Variants in MTHFD1L observed in about 807,000 individuals in gnomAD.
MTHFD1L encodes monofunctional C1-tetrahydrofolate synthase, mitochondrial.
A neutral mutation model predicts 119.5 loss-of-function variants in MTHFD1L; 81 were observed. The observed-to-expected ratio is 0.68, with a 90% confidence interval of 0.57 to 0.82. The LOEUF is 0.82. Among genes scored for constraint, MTHFD1L ranks in the 40% least tolerant of loss-of-function variants. The probability of loss-of-function intolerance (pLI) is 0.00; values close to 1 mark genes in which losing one functional copy is unlikely to be tolerated. For missense variants in MTHFD1L, 1,125 were observed against 1,253.4 expected, an observed-to-expected ratio of 0.90 and a Z score of 1.55; for synonymous variants, 430 against 475.2, an observed-to-expected ratio of 0.90 and a Z score of 1.24.
At chr6:150,892,914 C>T (rs1295159795) in intron 7 of MTHFD1L, among the ~76,000 whole-genome samples, 2 of 150,192 alleles carry the variant, frequency 1.3e-5, no homozygotes, top group Non-Finnish European at 3.0e-5. Flanking sequence ...GATTGTACCA[C>T]TCAATGGCTG....
intron 20 of MTHFD1L, among the ~76,000 whole-genome samples, chr6:150,978,429 A>G (rs1174783576): frequency 6.6e-6 from 1 of 152,204 alleles, no homozygotes; most frequent in African/African-American, 2.4e-5. Context: ...GTAGAGAATC[A>G]CACAGACCTG....
At chr6:150,962,914 C>CTTTTTTTTTT (rs4035893) in intron 18 of MTHFD1L, among the ~76,000 whole-genome samples, 19 of 114,136 alleles carry the variant, frequency 1.7e-4, no homozygotes, top group Non-Finnish European at 2.7e-4. Flanking sequence ...CTTTTCTTTT[C>CTTTTTTTTTT]TTTTTTTTTT....
At chr6:151,040,001 C>A (rs1344399240) in intron 26 of MTHFD1L, among the ~76,000 whole-genome samples, 25 of 152,102 alleles carry the variant, frequency 1.6e-4, no homozygotes, top group African/African-American at 6.0e-4. Flanking sequence ...CCACTTTACT[C>A]CTGAGCTTTA....
chr6:150,878,911 G>A (rs765761517), intron 4 of MTHFD1L, among the ~76,000 whole-genome samples: 2 of 152,066 alleles, frequency 1.3e-5, no homozygotes, highest in African/African-American at 2.4e-5. Context: ...GGTAAAGTTC[G>A]TTGTCACCAA....
intron 24 of MTHFD1L, among the ~76,000 whole-genome samples, chr6:151,031,343 A>G (rs1373771351): frequency 6.6e-6 from 1 of 152,170 alleles, no homozygotes; most frequent in Admixed American, 6.5e-5. Flanking sequence ...CTGTTCACAC[A>G]CTCGGGCTCC....
At chr6:150,866,488 G>T in intron 1 of MTHFD1L, 2 of 1,318,052 alleles carry the variant, frequency 1.5e-6, no homozygotes, top group South Asian at 4.1e-5. Context: ...CGGGGTTCGG[G>T]AAGGGCAAGC....
chr6:150,948,001 GT>G (rs1794264831), intron 15 of MTHFD1L, among the ~76,000 whole-genome samples: 1 of 151,460 alleles, frequency 6.6e-6, no homozygotes, highest in Non-Finnish European at 1.5e-5. Context: ...TTTTTTGTTT[GT>G]TTTTTGTTTT....
intron 8 of MTHFD1L, among the ~76,000 whole-genome samples, chr6:150,907,758 A>T (rs1786178953): frequency 6.6e-6 from 1 of 152,202 alleles, no homozygotes; most frequent in Non-Finnish European, 1.5e-5. Flanking sequence ...TAAATCAGGG[A>T]TGGTCTGTGT....
intron 26 of MTHFD1L, among the ~76,000 whole-genome samples, chr6:151,085,938 G>C (rs980491793): frequency 4.0e-5 from 6 of 151,408 alleles, no homozygotes; most frequent in Non-Finnish European, 7.4e-5. Flanking sequence ...GCTCTTAGCA[G>C]GGACTGGGTC....
intron 7 of MTHFD1L, among the ~76,000 whole-genome samples, chr6:150,888,870 T>C (rs1782744445): frequency 6.6e-6 from 1 of 151,970 alleles, no homozygotes. Context: ...CACAGATCAG[T>C]GGGGAAAAGA....
chr6:151,037,976 AT>A (rs1485191148), intron 26 of MTHFD1L, among the ~76,000 whole-genome samples: 1 of 152,246 alleles, frequency 6.6e-6, no homozygotes, highest in Non-Finnish European at 1.5e-5. Context: ...CATTATCATA[AT>A]TTTTTATAAT....
At chr6:150,965,145 G>A in intron 19 of MTHFD1L, 108 bp downstream of exon 19, 2 of 926,302 alleles carry the variant, frequency 2.2e-6, no homozygotes, top group South Asian at 2.8e-5. Flanking sequence ...TGGGGCAGCA[G>A]TGTGCTTTGC....
chr6:150,993,609 G>T (rs1444320740), intron 20 of MTHFD1L, among the ~76,000 whole-genome samples: 1 of 152,154 alleles, frequency 6.6e-6, no homozygotes, highest in Non-Finnish European at 1.5e-5. Context: ...ACCACAGCCG[G>T]CCTAGTGTGA....
At chr6:150,974,496 C>CCA (rs1776259211) in intron 20 of MTHFD1L, among the ~76,000 whole-genome samples, 1 of 152,104 alleles carries the variant, frequency 6.6e-6, no homozygotes, top group Non-Finnish European at 1.5e-5. Context: ...AGTACACCTT[C>CCA]ATTGTTGTGC....
intron 26 of MTHFD1L, among the ~76,000 whole-genome samples, chr6:151,082,798 C>T (rs1377349221): frequency 6.6e-6 from 1 of 152,076 alleles, no homozygotes; most frequent in Admixed American, 6.6e-5. Context: ...CGAGGGCTGA[C>T]CTTTGACAAT....
chr6:150,941,243 A>G (rs1793043778), intron 13 of MTHFD1L, among the ~76,000 whole-genome samples: 1 of 152,152 alleles, frequency 6.6e-6, no homozygotes, highest in African/African-American at 2.4e-5. Context: ...TGGCCTGTTC[A>G]GGGAACTGGA....
At chr6:151,025,153 A>G (rs1784451709) in intron 24 of MTHFD1L, among the ~76,000 whole-genome samples, 1 of 152,202 alleles carries the variant, frequency 6.6e-6, no homozygotes, top group Non-Finnish European at 1.5e-5. Flanking sequence ...ACCGCACCCC[A>G]GGTTTGCCGT....
chr6:150,955,497 T>C (rs1795492247), intron 16 of MTHFD1L, among the ~76,000 whole-genome samples: 2 of 9,088 alleles, frequency 2.2e-4, no homozygotes, highest in African/African-American at 3.6e-4. Flanking sequence ...CTGGTTGGGT[T>C]TTTTTTTTTT....
chr6:150,910,673 A>G (rs1293161318), intron 8 of MTHFD1L, among the ~76,000 whole-genome samples: 1 of 152,074 alleles, frequency 6.6e-6, no homozygotes, highest in Non-Finnish European at 1.5e-5. Flanking sequence ...GTAAATTGGG[A>G]GCAAGGCTGT....
Sources: gnomAD v4.1 joint callset for allele counts (sites outside exome capture counted in the v4.1 genomes callset) on GRCh38, gnomAD v4.1.1 for gene constraint, MANE v1.5 for transcripts, NCBI Gene and HGNC (gene_info 2026-07-23, HGNC 2026-07-21) for gene names.